Variants in PEPD observed in about 807,000 individuals in gnomAD.
PEPD encodes the protein xaa-Pro dipeptidase.
Under a neutral mutation model 60.7 loss-of-function variants are expected in PEPD, and 53 were observed. The observed-to-expected ratio is 0.87, with a 90% CI of 0.70 to 1.10. PEPD has a LOEUF of 1.10. PEPD is among the 50% of genes least tolerant of loss of function. The probability of loss-of-function intolerance (pLI) is 0.00; values close to 1 mark genes in which losing one functional copy is unlikely to be tolerated. For missense variants in PEPD, 711 were observed against 711.9 expected, an observed-to-expected ratio of 1.00 and a Z score of 0.01; for synonymous variants, 267 against 284.1, an observed-to-expected ratio of 0.94 and a Z score of 0.60.
chr19:33,398,553 T>C (rs1222227275), intron 12 of PEPD, among the ~76,000 whole-genome samples: 1 of 152,192 alleles, frequency 6.6e-6, no homozygotes, highest in East Asian at 1.9e-4. Context: ...TCACAGATAC[T>C]AGGTGAATAC....
At chr19:33,483,478 G>A (rs1384725164) in intron 6 of PEPD, among the ~76,000 whole-genome samples, 2 of 152,150 alleles carry the variant, frequency 1.3e-5, no homozygotes, top group African/African-American at 4.8e-5. Flanking sequence ...GGCCTCAGCA[G>A]AGAAGCCTCG....
At chr19:33,508,218 G>A (rs1439069532) in intron 3 of PEPD, among the ~76,000 whole-genome samples, 2 of 152,190 alleles carry the variant, frequency 1.3e-5, no homozygotes, top group Non-Finnish European at 2.9e-5. Flanking sequence ...TGAGGGCCAT[G>A]AGGAGGCGAG....
At position 33,436,235 on chromosome 19, in the gene PEPD, G is replaced by A. The variant is rs568641291; in HGVS notation, c.672-22592C>T. ...AAGAGGGAGAGGGAGAGGGAGAGGAGGGAGAGAAGGAGAGGCGAGCAGGAA... is the reference window on the plus strand; with the variant it reads ...AAGAGGGAGAGGGAGAGGGAGAGGAAGGAGAGAAGGAGAGGCGAGCAGGAA... On this transcript the variant is annotated intron_variant, in intron 9 of 14. Coordinates refer to ENST00000244137, the MANE Select transcript of PEPD (RefSeq NM_000285.4). Among the ~76,000 whole-genome samples, 420 of 151,918 alleles carry A rather than the reference G, an allele frequency of 2.8e-3. 1 individual carries two copies. The highest frequency in any genetic ancestry group is 9.3e-3 in the African/African-American group (385 of 41,432).
intron 9 of PEPD, among the ~76,000 whole-genome samples, chr19:33,462,359 CCA>C (rs1325800545): frequency 6.6e-6 from 1 of 152,172 alleles, no homozygotes; most frequent in Non-Finnish European, 1.5e-5. Flanking sequence ...GCCTCCTGCC[CCA>C]GGACACGGGT....
chr19:33,428,620 C>G (rs1460639978), intron 9 of PEPD, among the ~76,000 whole-genome samples: 1 of 152,216 alleles, frequency 6.6e-6, no homozygotes, highest in Non-Finnish European at 1.5e-5. Flanking sequence ...CCCTGGGTTC[C>G]CCAAGGGGCT....
chr19:33,479,877 G>T (rs1030843726), intron 6 of PEPD, among the ~76,000 whole-genome samples: 2 of 152,270 alleles, frequency 1.3e-5, no homozygotes, highest in Middle Eastern at 6.8e-3. Flanking sequence ...GTGCTGCAGC[G>T]AACATACACA....
At chr19:33,491,543 TAC>T (rs1413402251) in intron 5 of PEPD, among the ~76,000 whole-genome samples, 1 of 152,176 alleles carries the variant, frequency 6.6e-6, no homozygotes. Context: ...GCAGAAAGGG[TAC>T]ACTCTCCAGC....
At chr19:33,479,394 T>C (rs1315978381) in intron 6 of PEPD, among the ~76,000 whole-genome samples, 1 of 152,268 alleles carries the variant, frequency 6.6e-6, no homozygotes. Flanking sequence ...AAGGCAAGGA[T>C]TGGCGAATGA....
At position 33,500,960 on chromosome 19, in the gene PEPD, T is replaced by C. The variant is rs1812157635; in HGVS notation, c.371A>G (p.Asp124Gly). 6.2e-7 allele frequency: 1 copy of C among 1,605,468 alleles called. No individual in the cohort carries two copies. Among genetic ancestry groups the C allele is most frequent in the Non-Finnish European group, 8.5e-7 (1 of 1,172,380 alleles). ...KEHFKEKYAV[D>G]DVQYVDEIAS... ...CACCTCATCTACGTACTGGACGTCG[T>C]CCACGGCATACTTCTCCTTGAAGTG... Residue 124 changes from aspartate (D) to glycine (G), a missense_variant, in exon 4 of 15, where the codon GAC becomes GGC. By Grantham distance (94) the Asp-to-Gly change is moderately conservative. Coordinates refer to ENST00000244137, the MANE Select transcript of PEPD (RefSeq NM_000285.4).
At chr19:33,458,776 G>A (rs1315731498) in intron 9 of PEPD, among the ~76,000 whole-genome samples, 1 of 1,428 alleles carries the variant, frequency 7.0e-4, no homozygotes, top group Non-Finnish European at 1.3e-3. Flanking sequence ...GTATGTGTGG[G>A]GGTGTGTGAG....
At chr19:33,479,468 C>T (rs1173419460) in intron 6 of PEPD, among the ~76,000 whole-genome samples, 2 of 150,598 alleles carry the variant, frequency 1.3e-5, no homozygotes, top group African/African-American at 4.9e-5. Context: ...CATAGGTAAA[C>T]TTGTGTAATG....
At chr19:33,478,862 C>T (rs73592107) in intron 6 of PEPD, among the ~76,000 whole-genome samples, 1,845 of 152,204 alleles carry the variant, frequency 0.012, 39 homozygotes, top group African/African-American at 0.041. Context: ...TGCAGAGTAA[C>T]CTGAATCCAC....
intron 13 of PEPD, chr19:33,388,665 C>T (rs1026742950): frequency 2.1e-5 from 4 of 190,746 alleles, no homozygotes; most frequent in South Asian, 1.1e-4. Flanking sequence ...GTGCCGTGTG[C>T]GCGTGGCTTG....
At chr19:33,446,549 C>T (rs952293643) in intron 9 of PEPD, among the ~76,000 whole-genome samples, 3 of 152,240 alleles carry the variant, frequency 2.0e-5, no homozygotes, top group African/African-American at 4.8e-5. Context: ...CAAGCCTCTG[C>T]GACCTCTCAG....
At chr19:33,466,463 T>A (rs894321596) in intron 7 of PEPD, among the ~76,000 whole-genome samples, 1 of 152,184 alleles carries the variant, frequency 6.6e-6, no homozygotes, top group Non-Finnish European at 1.5e-5. Context: ...CTGGCAAATG[T>A]TTTAAACTTC....
intron 10 of PEPD, among the ~76,000 whole-genome samples, chr19:33,412,404 C>T (rs551796227): frequency 6.6e-6 from 1 of 152,274 alleles, no homozygotes; most frequent in East Asian, 1.9e-4. Context: ...GAGAAGGGCC[C>T]TACGGAACCC....
chr19:33,416,103 C>T (rs867674721), intron 9 of PEPD, among the ~76,000 whole-genome samples: 5 of 152,190 alleles, frequency 3.3e-5, no homozygotes, highest in South Asian at 2.1e-4. Context: ...GATCTTCAAG[C>T]GGTGAGCACT....
At chr19:33,483,679 G>A (rs938652362) in intron 6 of PEPD, among the ~76,000 whole-genome samples, 2 of 152,044 alleles carry the variant, frequency 1.3e-5, no homozygotes, top group Admixed American at 6.6e-5. Context: ...GTGTGTTGGC[G>A]CACACCTATA....
chr19:33,477,999 TGA>T (rs1568491583), intron 7 of PEPD, 45 bp downstream of exon 7: 1 of 1,379,642 alleles, frequency 7.2e-7, no homozygotes, highest in Non-Finnish European at 1.0e-6. Flanking sequence ...TCCATCCCCA[TGA>T]GCCGAGCACA....
Sources: allele counts gnomAD v4.1 joint callset (sites outside exome capture counted in the v4.1 genomes callset), GRCh38; gene constraint gnomAD v4.1.1; transcripts MANE v1.5; gene names NCBI Gene and HGNC (gene_info 2026-07-23, HGNC 2026-07-21).